Variants in CADM2 observed in about 807,000 individuals in gnomAD.
CADM2 encodes the protein immunoglobulin superfamily member 4D.
Under a neutral mutation model 49.8 loss-of-function variants are expected in CADM2, and 12 were observed. The ratio of observed to expected loss-of-function variants is 0.24; its 90% CI spans 0.15 to 0.39. CADM2 has a LOEUF of 0.39. Ranked by LOEUF, CADM2 falls within the 10% of genes least tolerant of loss-of-function variation. The pLI is 1.00. For missense variants in CADM2, 378 were observed against 492.3 expected (o/e 0.77, Z 2.20); for synonymous variants, 214 against 175.4 (o/e 1.22, Z -1.74).
At chr3:85,046,348 T>C (rs2107385192) in intron 1 of CADM2, among the ~76,000 whole-genome samples, 1 of 147,546 alleles carries the variant, frequency 6.8e-6, no homozygotes, top group South Asian at 2.2e-4. Context: ...TGGAGTCAGA[T>C]CCATGAATTC....
At chr3:85,722,887 A>G (rs1336829510) in intron 1 of CADM2, among the ~76,000 whole-genome samples, 2 of 152,164 alleles carry the variant, frequency 1.3e-5, no homozygotes, top group Non-Finnish European at 1.5e-5. Flanking sequence ...AGACAGAGAT[A>G]CATCTTCCAA....
At chr3:85,894,194 G>A (rs554456080) in intron 5 of CADM2, among the ~76,000 whole-genome samples, 9 of 152,320 alleles carry the variant, frequency 5.9e-5, no homozygotes, top group Admixed American at 5.2e-4. Flanking sequence ...CATGTCCTTT[G>A]TAGGGACATG....
At chr3:85,709,969 A>C (rs2067068293) in intron 1 of CADM2, among the ~76,000 whole-genome samples, 1 of 152,130 alleles carries the variant, frequency 6.6e-6, no homozygotes, top group African/African-American at 2.4e-5. Context: ...AATGTTAACT[A>C]TTCTATAGCC....
intron 8 of CADM2, chr3:85,979,083 T>C: frequency 6.8e-6 from 10 of 1,468,746 alleles, no homozygotes; most frequent in South Asian, 1.2e-5. Context: ...ATAAGTTATA[T>C]GTATTTATAA....
rs147965419 is a variant in CADM2 at position 85,504,426 on chromosome 3, G to A, written c.62-222096G>A. Among the ~76,000 whole-genome samples, 243 of 152,292 alleles carry A rather than the reference G, an allele frequency of 1.6e-3. 5 individuals carry two copies. The East Asian group carries it at 0.03, about 19-fold the overall frequency. On this transcript the variant is annotated intron_variant, in intron 1 of 9. Coordinates refer to ENST00000383699, the MANE Select transcript of CADM2 (RefSeq NM_001167675.2). ...AGCTTCCACACTGCGGAAGGGGACC[G>A]GAGCGGGTTGTCACTGCTGCTCGGG... is the stretch of plus-strand genomic sequence containing the variant.
chr3:85,003,600 C>T (rs2033580417), intron 1 of CADM2, among the ~76,000 whole-genome samples: 1 of 152,036 alleles, frequency 6.6e-6, no homozygotes, highest in African/African-American at 2.4e-5. Context: ...AATATGACTA[C>T]TTAAGACTAC....
chr3:85,147,102 G>A (rs142720387), intron 1 of CADM2, among the ~76,000 whole-genome samples: 12,563 of 151,660 alleles, frequency 0.083, 1,067 homozygotes, highest in Admixed American at 0.25. Flanking sequence ...GTGAAACCTC[G>A]TCTCTACTAA....
intron 6 of CADM2, among the ~76,000 whole-genome samples, chr3:85,931,741 G>T (rs993995442): frequency 6.6e-6 from 1 of 151,832 alleles, no homozygotes; most frequent in African/African-American, 2.4e-5. Context: ...AAGGCAAAAT[G>T]AAACACATTT....
chr3:85,841,576 G>A (rs1325804233), intron 3 of CADM2, among the ~76,000 whole-genome samples: 3 of 151,958 alleles, frequency 2.0e-5, no homozygotes, highest in Non-Finnish European at 4.4e-5. Flanking sequence ...AAGTCTGATA[G>A]CTTGTTTCTT....
At chr3:85,260,922 C>T (rs908679100) in intron 1 of CADM2, among the ~76,000 whole-genome samples, 13 of 152,062 alleles carry the variant, frequency 8.5e-5, no homozygotes, top group Non-Finnish European at 1.6e-4. Flanking sequence ...AGTTTGCAAT[C>T]GGTTCTCAGA....
chr3:85,713,614 C>T (rs1376078997), intron 1 of CADM2, among the ~76,000 whole-genome samples: 1 of 152,194 alleles, frequency 6.6e-6, no homozygotes, highest in Non-Finnish European at 1.5e-5. Flanking sequence ...ACCTACCTAT[C>T]TACAATTGAA....
rs532458790 is a variant in CADM2 at position 85,478,564 on chromosome 3, T to A, written c.62-247958T>A. Among the ~76,000 whole-genome samples, 20 of 151,628 alleles carry A rather than the reference T, an allele frequency of 1.3e-4. No individual in the cohort carries two copies. The South Asian group carries it at 4.2e-3, about 32-fold the overall frequency. On this transcript the variant is annotated intron_variant, in intron 1 of 9. Transcript: ENST00000383699. ...TGGAAAAACTGACCAGAAAATAAAA[T>A]AAAAAATGGGAACTTATCCATTTCC...
intron 1 of CADM2, among the ~76,000 whole-genome samples, chr3:85,155,551 G>A (rs994268664): frequency 3.7e-4 from 56 of 151,916 alleles, no homozygotes; most frequent in Non-Finnish European, 7.4e-4. Flanking sequence ...AGTCAACAAG[G>A]ATACCCAGGA....
chr3:85,674,902 C>T (rs1037828499), intron 1 of CADM2, among the ~76,000 whole-genome samples: 1 of 152,070 alleles, frequency 6.6e-6, no homozygotes, highest in Non-Finnish European at 1.5e-5. Context: ...TCTGTTTGCT[C>T]TTTTTTCCTA....
chr3:85,389,263 CTGG>C (rs1269731045), intron 1 of CADM2, among the ~76,000 whole-genome samples: 1 of 152,026 alleles, frequency 6.6e-6, no homozygotes, highest in Non-Finnish European at 1.5e-5. Flanking sequence ...AAAGGGGATG[CTGG>C]TGAGTATAAT....
At chr3:85,532,258 TA>T (rs1281212086) in intron 1 of CADM2, among the ~76,000 whole-genome samples, 6 of 152,154 alleles carry the variant, frequency 3.9e-5, no homozygotes, top group Non-Finnish European at 5.9e-5. Context: ...CTGCAGGCAG[TA>T]TTCTCCCTCC....
intron 2 of CADM2, among the ~76,000 whole-genome samples, chr3:85,748,755 A>G (rs1235789112): frequency 9.9e-5 from 15 of 151,882 alleles, no homozygotes; most frequent in Non-Finnish European, 1.8e-4. Flanking sequence ...TTTTGTCTTT[A>G]TTGATATGTT....
intron 1 of CADM2, among the ~76,000 whole-genome samples, chr3:85,623,524 C>T (rs559343330): frequency 2.6e-5 from 4 of 152,132 alleles, no homozygotes; most frequent in East Asian, 1.9e-4. Flanking sequence ...AGGCAAACAA[C>T]GTAAGTGTGA....
At chr3:85,716,839 T>C (rs1169885279) in intron 1 of CADM2, among the ~76,000 whole-genome samples, 3 of 152,172 alleles carry the variant, frequency 2.0e-5, no homozygotes, top group Non-Finnish European at 4.4e-5. Flanking sequence ...GCCTCTGTTC[T>C]GTTCCATTGG....
Sources: gnomAD v4.1 joint callset for allele counts (sites outside exome capture counted in the v4.1 genomes callset) on GRCh38, gnomAD v4.1.1 for gene constraint, MANE v1.5 for transcripts, NCBI Gene and HGNC (gene_info 2026-07-23, HGNC 2026-07-21) for gene names.